Variants in SPRY3 observed in about 807,000 individuals in gnomAD.
The protein encoded by SPRY3 is protein sprouty homolog 3.
In SPRY3, 15 loss-of-function variants were observed where a neutral mutation model predicts 20.2. That is an observed-to-expected ratio of 0.74 (90% CI 0.50 to 1.14). The LOEUF (loss-of-function observed/expected upper bound fraction) is 1.14, where lower values mean the gene tolerates loss of function less well. SPRY3 is among the 50% of genes most tolerant of loss of function. The pLI, the probability that SPRY3 is intolerant of heterozygous loss-of-function variation, is 0.00. For synonymous variants in SPRY3, 143 were observed against 136.5 expected, an observed-to-expected ratio of 1.05 and a Z score of -0.33; for missense variants, 364 against 363.9, an observed-to-expected ratio of 1.00 and a Z score of 0.00.
intron 2 of SPRY3, among the ~76,000 whole-genome samples, chrX:155,721,269 G>A (rs2091055275): frequency 6.6e-6 from 1 of 151,934 alleles, no homozygotes; most frequent in Admixed American, 6.6e-5. Context: ...AATAAAAAAA[G>A]AATAAAAACA....
chrX:155,757,626 C>G (rs1243478939), intron 2 of SPRY3, among the ~76,000 whole-genome samples: 1 of 152,090 alleles, frequency 6.6e-6, no homozygotes, highest in Admixed American at 6.5e-5. Context: ...ATCATGCTTT[C>G]TGCATGATAC....
At chrX:155,699,976 C>CTTT (rs35185538) in intron 2 of SPRY3, among the ~76,000 whole-genome samples, 25 of 91,619 alleles carry the variant, frequency 2.7e-4, no homozygotes, top group Non-Finnish European at 4.9e-4. Context: ...CCCTTAATCT[C>CTTT]TTTTTTTTTT....
exon 2 of SPRY3, chrX:155,782,160 G>A (rs1423760376): frequency 6.0e-6 from 1 of 167,056 alleles, no homozygotes; most frequent in Non-Finnish European, 1.5e-5. Flanking sequence ...AAGCCAAGGG[G>A]GAGGGTTGCC....
chrX:155,630,656 G>A (rs187533648), intron 1 of SPRY3, among the ~76,000 whole-genome samples: 68 of 111,128 alleles, frequency 6.1e-4, no homozygotes, highest in South Asian at 1.5e-3. Context: ...CTGATTTCAG[G>A]ATCCTTTTTT....
At chrX:155,632,935 G>C (rs1195414489) in intron 1 of SPRY3, among the ~76,000 whole-genome samples, 4 of 111,194 alleles carry the variant, frequency 3.6e-5, no homozygotes, top group African/African-American at 1.3e-4. Context: ...ACTGAGATGA[G>C]TGCCCTGATA....
intron 2 of SPRY3, among the ~76,000 whole-genome samples, chrX:155,753,482 GC>G (rs2091272172): frequency 6.6e-6 from 1 of 151,738 alleles, no homozygotes. Context: ...GTTTTGTTTA[GC>G]CTGTCCTACT....
exon 4 of SPRY3, chrX:155,774,388 C>T (rs757256938): frequency 4.8e-5 from 77 of 1,614,032 alleles, no homozygotes; most frequent in Admixed American, 6.7e-5. Context: ...GTGCAACCAG[C>T]GCTGCCTTTG....
At chrX:155,632,930 G>A (rs2067911207) in intron 1 of SPRY3, among the ~76,000 whole-genome samples, 1 of 111,256 alleles carries the variant, frequency 9.0e-6, no homozygotes, top group Non-Finnish European at 1.9e-5. Context: ...ACAACACTGA[G>A]ATGAGTGCCC....
At chrX:155,653,542 C>T (rs782385620) in intron 1 of SPRY3, among the ~76,000 whole-genome samples, 14 of 111,723 alleles carry the variant, frequency 1.3e-4, no homozygotes, top group African/African-American at 4.5e-4. Context: ...GGTTGAAAAT[C>T]AATTATACAT....
intron 2 of SPRY3, among the ~76,000 whole-genome samples, chrX:155,722,775 C>G (rs2091068759): frequency 6.6e-6 from 1 of 151,992 alleles, no homozygotes; most frequent in Admixed American, 6.6e-5. Flanking sequence ...CTATTGGCTA[C>G]AAGAGAAACA....
chrX:155,686,122 G>A (rs1012461833), intron 2 of SPRY3, among the ~76,000 whole-genome samples: 2 of 111,487 alleles, frequency 1.8e-5, no homozygotes, highest in African/African-American at 3.3e-5. Context: ...AATTTCTATT[G>A]TGTTCTCCTT....
chrX:155,673,095 A>G (rs782476641), intron 2 of SPRY3, among the ~76,000 whole-genome samples: 6 of 86,765 alleles, frequency 6.9e-5, no homozygotes, highest in Non-Finnish European at 9.2e-5. Flanking sequence ...GGATAGCATT[A>G]GGAGATATAC....
At chrX:155,724,613 A>G (rs976150738) in intron 2 of SPRY3, among the ~76,000 whole-genome samples, 16 of 152,036 alleles carry the variant, frequency 1.1e-4, no homozygotes, top group Non-Finnish European at 2.1e-4. Flanking sequence ...TTTGTCTGTT[A>G]TTGGTGTATA....
chrX:155,628,511 G>A (rs2067895244), intron 1 of SPRY3, among the ~76,000 whole-genome samples: 1 of 111,979 alleles, frequency 8.9e-6, no homozygotes, highest in Non-Finnish European at 1.9e-5. Context: ...AGTGGTCAAA[G>A]GACATGAACA....
intron 2 of SPRY3, among the ~76,000 whole-genome samples, chrX:155,658,450 C>T (rs1156316495): frequency 2.7e-5 from 3 of 111,971 alleles, no homozygotes; most frequent in African/African-American, 9.7e-5. Flanking sequence ...GTAGCTATTG[C>T]AAATGACATT....
intron 2 of SPRY3, among the ~76,000 whole-genome samples, chrX:155,767,494 C>G (rs1157292052): frequency 6.6e-6 from 1 of 151,496 alleles, no homozygotes; most frequent in Admixed American, 6.6e-5. Flanking sequence ...TCTGCTGCTT[C>G]GGTTCATCTG....
chrX:155,719,503 G>A (rs1386268855), intron 2 of SPRY3, among the ~76,000 whole-genome samples: 1 of 152,002 alleles, frequency 6.6e-6, no homozygotes, highest in Non-Finnish European at 1.5e-5. Flanking sequence ...GGGAGTGCTG[G>A]TATCACCCCT....
chrX:155,629,799 T>C (rs1232440282), intron 1 of SPRY3, among the ~76,000 whole-genome samples: 1 of 112,555 alleles, frequency 8.9e-6, no homozygotes, highest in Non-Finnish European at 1.9e-5. Context: ...GCTATTGACT[T>C]GTGTGAGTTC....
chrX:155,728,359 A>T (rs1181680360), intron 2 of SPRY3, among the ~76,000 whole-genome samples: 1 of 152,178 alleles, frequency 6.6e-6, no homozygotes, highest in African/African-American at 2.4e-5. Flanking sequence ...TCAGACAGGG[A>T]CATTTAAGTC....
Sources: allele counts gnomAD v4.1 joint callset (sites outside exome capture counted in the v4.1 genomes callset), GRCh38; gene constraint gnomAD v4.1.1; transcripts MANE v1.5; gene names NCBI Gene and HGNC (gene_info 2026-07-23, HGNC 2026-07-21).